UBASH3A: variants seen among roughly 807,000 people sequenced by gnomAD.
UBASH3A encodes the protein ubiquitin-associated and SH3 domain-containing protein A.
Under a neutral mutation model 73.5 loss-of-function variants are expected in UBASH3A, and 63 were observed. That is an observed-to-expected ratio of 0.86 (90% CI 0.70 to 1.06). UBASH3A has a LOEUF of 1.06. Ranked by LOEUF, UBASH3A falls within the 50% of genes least tolerant of loss-of-function variation. The probability of loss-of-function intolerance (pLI) is 0.00; values close to 1 mark genes in which losing one functional copy is unlikely to be tolerated. For synonymous variants in UBASH3A, 363 were observed against 351.1 expected, an observed-to-expected ratio of 1.03 and a Z score of -0.38; for missense variants, 860 against 859.0, an observed-to-expected ratio of 1.00 and a Z score of -0.02.
intron 11 of UBASH3A, among the ~76,000 whole-genome samples, chr21:42,437,931 A>G (rs2053657958): frequency 1.3e-5 from 2 of 152,316 alleles, no homozygotes; most frequent in South Asian, 2.1e-4. Context: ...GTTCCTTGTA[A>G]GTCTGAATTG....
At chr21:42,406,562 G>C (rs2146486064) in intron 2 of UBASH3A, among the ~76,000 whole-genome samples, 1 of 152,314 alleles carries the variant, frequency 6.6e-6, no homozygotes, top group East Asian at 1.9e-4. Flanking sequence ...GTTAACCATG[G>C]AAAGAGAAAG....
chr21:42,420,702 G>T (rs956525833), intron 7 of UBASH3A, among the ~76,000 whole-genome samples: 4 of 152,166 alleles, frequency 2.6e-5, no homozygotes, highest in Non-Finnish European at 5.9e-5. Flanking sequence ...AGGACCACCC[G>T]GGTGATGGGA....
At chr21:42,410,778 GCACA>G (rs36057857) in intron 3 of UBASH3A, among the ~76,000 whole-genome samples, 5 of 150,282 alleles carry the variant, frequency 3.3e-5, no homozygotes, top group Admixed American at 1.3e-4. Flanking sequence ...TGAGGTGCAA[GCACA>G]CACACACACA....
Position 42,434,841 on chromosome 21 carries a change from A to G in UBASH3A, c.1280A>G (p.Tyr427Cys), listed in dbSNP as rs760963057. Residue 427 changes from tyrosine (Y) to cysteine (C), a missense_variant, in exon 10 of 15, where the codon TAC (tyrosine) becomes TGC (cysteine). Tyr to Cys is a radical substitution (Grantham distance 194, BLOSUM62 -2). Transcript: ENST00000319294. ...CTTATTTATACTTCAGGGAAATACT[A>G]CAGGCCAGACCTGAATTTCCCCTGC... ...QQCSTPDGKY[Y>C]RPDLNFPCSL... The G allele has an allele frequency of 1.5e-5, 25 of 1,613,788 alleles. No homozygotes were observed. The South Asian group carries it at 2.6e-4, about 17-fold the overall frequency.
chr21:42,442,486 G>A lies in UBASH3A; in HGVS notation c.1521G>A (p.Val507=). The change falls in exon 12 of 15, where the codon GTG becomes GTA. Residue 507 remains valine, a synonymous_variant. Coordinates refer to ENST00000319294, the MANE Select transcript of UBASH3A (RefSeq NM_018961.4). ...TGGAGAAAAAAATCAAGATACGAGT[G>A]GAACCTGGAATCTTTGAATGGACAA... The part of the protein sequence containing the change: ...LKLEKKIKIR[V]EPGIFEWTKW... 6.2e-7 allele frequency: 1 copy of A among 1,614,122 alleles called. No individual in the cohort carries two copies. Among genetic ancestry groups the A allele is most frequent in the Non-Finnish European group, 8.5e-7 (1 of 1,180,016 alleles).
At chr21:42,446,078 C>T (rs959927276) in intron 14 of UBASH3A, among the ~76,000 whole-genome samples, 2 of 152,202 alleles carry the variant, frequency 1.3e-5, no homozygotes, top group South Asian at 2.1e-4. Flanking sequence ...CCAAGGGTGG[C>T]AGCACTGCAC....
chr21:42,406,056 C>T (rs2052967656), intron 1 of UBASH3A, among the ~76,000 whole-genome samples: 1 of 151,540 alleles, frequency 6.6e-6, no homozygotes, highest in Non-Finnish European at 1.5e-5. Flanking sequence ...CCCTGAGACC[C>T]CGTGCCAAGG....
At chr21:42,421,854 A>G (rs546742642) in intron 7 of UBASH3A, among the ~76,000 whole-genome samples, 2 of 152,342 alleles carry the variant, frequency 1.3e-5, no homozygotes, top group South Asian at 4.1e-4. Context: ...CAAACCCCCA[A>G]AAAAGAAAAG....
At chr21:42,425,579 T>C (rs1047678596) in intron 7 of UBASH3A, among the ~76,000 whole-genome samples, 14 of 152,268 alleles carry the variant, frequency 9.2e-5, no homozygotes, top group African/African-American at 3.4e-4. Flanking sequence ...AAGTGTGCAT[T>C]TCCTATCTAA....
At chr21:42,421,691 G>A (rs544923212) in intron 7 of UBASH3A, among the ~76,000 whole-genome samples, 14 of 152,280 alleles carry the variant, frequency 9.2e-5, no homozygotes, top group South Asian at 4.1e-4. Flanking sequence ...AAATTGTGAC[G>A]TTTTATTTGA....
At position 42,404,054 on chromosome 21, in the gene UBASH3A, AC is replaced by A. The variant is rs775618382; in HGVS notation, c.111del (p.Ala38ArgfsTer2). 2.0e-5 allele frequency: 30 copies of A among 1,511,310 alleles called. No homozygotes were observed. Among genetic ancestry groups the A allele is most frequent in the Non-Finnish European group, 2.6e-5 (29 of 1,123,472 alleles). 93.6% of individuals were successfully genotyped at this position (1,511,310 alleles called of 1,614,324 possible). A position where few individuals can be genotyped will look rare whatever the true frequency, so the allele number is the denominator to read the frequency against. On this transcript the variant is annotated frameshift_variant, in exon 1 of 15. Transcript: ENST00000319294. LOFTEE classifies it high-confidence loss of function. ...CCTGGCCATGGGCTTCCCGGTGCAC[AC>A]CGCGTGAGTACTGCCCAGAGACCCC... ...PLLAMGFPVH[T>X]ALKALAATGR... is the part of the protein sequence containing the mutation.
At chr21:42,443,475 T>G in intron 13 of UBASH3A, 57 bp downstream of exon 13, 1 of 1,450,774 alleles carries the variant, frequency 6.9e-7, no homozygotes, top group Non-Finnish European at 9.3e-7. Context: ...GAATTATCTC[T>G]GAGATGGAAA....
rs368478826 is a variant in UBASH3A, at chr21:42,421,496, T to C, written c.1046+2887T>C. Among the ~76,000 whole-genome samples, 3 of 152,350 alleles carry C rather than the reference T, an allele frequency of 2.0e-5. 1 individual carries two copies. The highest frequency in any genetic ancestry group is 1.9e-4 in the East Asian group (1 of 5,192). On this transcript the variant is annotated intron_variant, in intron 7 of 14. Transcript: ENST00000319294. ...CTCCACAGCTTCTCTAGGGTTCCCC[T>C]CACCACCCTGACAAATAAATAAATC...
At chr21:42,437,608 C>T in intron 11 of UBASH3A, 28 bp downstream of exon 11, 1 of 1,596,756 alleles carries the variant, frequency 6.3e-7, no homozygotes, top group Non-Finnish European at 8.6e-7. Flanking sequence ...TGAGCCTCTC[C>T]TACTGCCTTG....
chr21:42,426,968 C>T (rs2053446737), intron 8 of UBASH3A, 148 bp downstream of exon 8: 15 of 1,018,872 alleles, frequency 1.5e-5, no homozygotes, highest in Non-Finnish European at 2.1e-5. Context: ...AAGGGGGCCT[C>T]CCAGGTCTGA....
Position 42,442,962 on chromosome 21 carries a change from C to T in UBASH3A, c.1632-350C>T, listed in dbSNP as rs1457195461. Reference sequence around the variant, plus strand: ...AGGTAGGAGGTTCTTGCTAAACTCACTCTGCAAGAACAGACACAGAAGCCC... The same window carrying T: ...AGGTAGGAGGTTCTTGCTAAACTCATTCTGCAAGAACAGACACAGAAGCCC... On this transcript the variant is annotated intron_variant, in intron 12 of 14. Coordinates refer to ENST00000319294, the MANE Select transcript of UBASH3A (RefSeq NM_018961.4). Among the ~76,000 whole-genome samples the T allele has an allele frequency of 2.0e-5, 3 of 152,318 alleles. No homozygotes were observed. The South Asian group carries it at 6.2e-4, about 32-fold the overall frequency.
At chr21:42,411,958 G>C (rs934678952) in intron 3 of UBASH3A, among the ~76,000 whole-genome samples, 3 of 152,196 alleles carry the variant, frequency 2.0e-5, no homozygotes, top group African/African-American at 7.2e-5. Context: ...ATGGGGAGAC[G>C]GAAGCTGCAT....
chr21:42,414,203 G>A (rs1246980048), intron 5 of UBASH3A, among the ~76,000 whole-genome samples: 1 of 152,156 alleles, frequency 6.6e-6, no homozygotes, highest in African/African-American at 2.4e-5. Context: ...TCTCTCTCTG[G>A]GAGCGTGTCT....
rs565551184 is a variant in UBASH3A at position 42,421,060 on chromosome 21, G to A, written c.1046+2451G>A. Reference sequence around the variant, plus strand: ...AGGAACTGTCGTTCAGTCTGGCCAAGTTGCCACACCATAAAGCCATTGCAA... The same window carrying A: ...AGGAACTGTCGTTCAGTCTGGCCAAATTGCCACACCATAAAGCCATTGCAA... On this transcript the variant is annotated intron_variant, in intron 7 of 14. Coordinates refer to ENST00000319294, the MANE Select transcript of UBASH3A (RefSeq NM_018961.4). 1.8e-4 allele frequency among the ~76,000 whole-genome samples: 27 copies of A among 152,352 alleles called. No individual in the cohort carries two copies. The South Asian group carries it at 5.2e-3, about 29-fold the overall frequency.
Sources: gnomAD v4.1 joint callset for allele counts (sites outside exome capture counted in the v4.1 genomes callset) on GRCh38, gnomAD v4.1.1 for gene constraint, MANE v1.5 for transcripts, NCBI Gene and HGNC (gene_info 2026-07-23, HGNC 2026-07-21) for gene names.